Variants in ZEB2 observed in about 807,000 individuals in gnomAD.
ZEB2 encodes zinc finger E-box-binding homeobox 2.
A neutral mutation model predicts 99.9 loss-of-function variants in ZEB2; 6 were observed. The observed-to-expected ratio is 0.06, with a 90% CI of 0.03 to 0.12. The LOEUF (loss-of-function observed/expected upper bound fraction) is 0.12. Among genes scored for constraint, ZEB2 ranks in the 10% least tolerant of loss-of-function variants. The pLI, the probability that ZEB2 is intolerant of heterozygous loss-of-function variation, is 1.00. For missense variants in ZEB2, 969 were observed against 1,502.8 expected, an observed-to-expected ratio of 0.64 and a Z score of 5.87; for synonymous variants, 517 against 542.5, an observed-to-expected ratio of 0.95 and a Z score of 0.65.
At chr2:144,400,713 C>A (rs573770300) in intron 7 of ZEB2, among the ~76,000 whole-genome samples, 29 of 152,264 alleles carry the variant, frequency 1.9e-4, no homozygotes, top group Non-Finnish European at 2.6e-4. Context: ...AAATGCTTGG[C>A]AGAGCTATCA....
intron 4 of ZEB2, among the ~76,000 whole-genome samples, chr2:144,414,754 C>T (rs1286319548): frequency 1.3e-5 from 2 of 152,294 alleles, no homozygotes; most frequent in Middle Eastern, 3.4e-3. Flanking sequence ...AATGACTCAA[C>T]ATGAGAGAAA....
intron 2 of ZEB2, among the ~76,000 whole-genome samples, chr2:144,478,564 G>A (rs1466963360): frequency 2.6e-5 from 4 of 152,170 alleles, no homozygotes; most frequent in African/African-American, 9.7e-5. Flanking sequence ...TGCTTATCAG[G>A]TACAAGTCCA....
chr2:144,492,572 T>G (rs1704695661), intron 2 of ZEB2, among the ~76,000 whole-genome samples: 1 of 152,018 alleles, frequency 6.6e-6, no homozygotes, highest in African/African-American at 2.4e-5. Context: ...GAAACCAAAT[T>G]TGAGCCCAGA....
At chr2:144,493,215 T>C (rs905108607) in intron 2 of ZEB2, among the ~76,000 whole-genome samples, 1 of 152,156 alleles carries the variant, frequency 6.6e-6, no homozygotes, top group African/African-American at 2.4e-5. Context: ...TTTTCAAGAA[T>C]GTTTCAGCAA....
chr2:144,403,817 CA>C, intron 6 of ZEB2, 98 bp downstream of exon 6: 2 of 1,505,940 alleles, frequency 1.3e-6, no homozygotes, highest in Admixed American at 3.4e-5. Flanking sequence ...TCTGCATCTT[CA>C]AAATGCCATG....
rs1174176335 is a variant in ZEB2 at position 144,384,629 on chromosome 2, A to G, written c.*4822T>C. The G allele has an allele frequency of 6.6e-6, 1 of 151,454 alleles. No homozygotes were observed. Among genetic ancestry groups the G allele is most frequent in the Non-Finnish European group, 1.5e-5 (1 of 67,888 alleles). 9.4% of individuals were successfully genotyped at this position (151,454 alleles called of 1,614,324 possible). Reference sequence around the variant, plus strand: ...TCTTTTTTTTTTTTAACATGGATACAGGAAAAGAAAACTCTCCAATAAAAA... The same window carrying G: ...TCTTTTTTTTTTTTAACATGGATACGGGAAAAGAAAACTCTCCAATAAAAA... On this transcript the variant is annotated 3_prime_UTR_variant, in exon 10 of 10. Coordinates refer to ENST00000627532, the MANE Select transcript of ZEB2 (RefSeq NM_014795.4).
At chr2:144,471,495 C>T (rs567594178) in intron 2 of ZEB2, among the ~76,000 whole-genome samples, 28 of 151,870 alleles carry the variant, frequency 1.8e-4, no homozygotes, top group African/African-American at 6.8e-4. Flanking sequence ...TAGTTATTGT[C>T]ATGCACACTC....
intron 2 of ZEB2, chr2:144,516,441 C>CG (rs1011197487): frequency 2.7e-5 from 4 of 147,314 alleles, no homozygotes; most frequent in Non-Finnish European, 4.5e-5. Flanking sequence ...CTCTCACCCC[C>CG]CCCTTTAATA....
At chr2:144,470,789 T>C (rs1704344418) in intron 2 of ZEB2, among the ~76,000 whole-genome samples, 1 of 152,122 alleles carries the variant, frequency 6.6e-6, no homozygotes, top group Non-Finnish European at 1.5e-5. Flanking sequence ...TATTCCAGCA[T>C]CTAGTCAGCA....
At chr2:144,504,037 G>A (rs1473000696) in intron 2 of ZEB2, 7 of 133,988 alleles carry the variant, frequency 5.2e-5, no homozygotes, top group African/African-American at 1.9e-4. Flanking sequence ...AACAAACCTG[G>A]TAAAGAGAGG....
chr2:144,399,204 T>C lies in ZEB2; in HGVS notation c.1983A>G (p.Ala661=). 6.2e-7 allele frequency: 1 copy of C among 1,614,166 alleles called. No individual in the cohort carries two copies. The highest frequency in any genetic ancestry group is 2.2e-5 in the East Asian group (1 of 44,886). ...PYKDHMSVLK[A]YYAMNMEPNS... Reference sequence around the variant, plus strand: ...TGGGCTCCATGTTCATAGCATAGTATGCTTTGAGTACAGACATGTGGTCCT... The same window carrying C: ...TGGGCTCCATGTTCATAGCATAGTACGCTTTGAGTACAGACATGTGGTCCT... Residue 661 remains alanine (A), a synonymous_variant, in exon 8 of 10, where the codon GCA becomes GCG. Coordinates refer to ENST00000627532, the MANE Select transcript of ZEB2 (RefSeq NM_014795.4). The surrounding 1 kb of genome is among the most constrained non-coding windows in gnomAD (Gnocchi z 5.6).
rs773498763 is a variant in ZEB2 at position 144,512,292 on chromosome 2, A to AAAT, written c.73+4985_73+4986insATT. 15 of 1,287,116 alleles carry AAAT rather than the reference A, an allele frequency of 1.2e-5. No individual in the cohort carries two copies. The South Asian group carries it at 1.7e-4, about 15-fold the overall frequency. 79.7% of individuals were successfully genotyped at this position (1,287,116 alleles called of 1,614,324 possible). A position where few individuals can be genotyped will look rare whatever the true frequency, so the allele number is the denominator to read the frequency against. On this transcript the variant is annotated intron_variant, in intron 2 of 9. Coordinates refer to ENST00000627532, the MANE Select transcript of ZEB2 (RefSeq NM_014795.4). ...TTCACACAGAAGAAAATGCACCTTA[A>AAAT]AAGCCTTGGAAGAATGCAGATGACA... is the stretch of plus-strand genomic sequence containing the variant.
intron 2 of ZEB2, chr2:144,461,654 C>T (rs556334488): frequency 1.3e-5 from 2 of 152,334 alleles, no homozygotes; most frequent in South Asian, 2.1e-4. Flanking sequence ...TGGACGATCA[C>T]ACAATGGAAA....
At chr2:144,408,439 TA>T (rs1703415415) in intron 4 of ZEB2, among the ~76,000 whole-genome samples, 1 of 152,216 alleles carries the variant, frequency 6.6e-6, no homozygotes, top group Non-Finnish European at 1.5e-5. Context: ...AGGGCTCAGA[TA>T]AGTATTCAAA....
At position 144,399,075 on chromosome 2, in the gene ZEB2, C is replaced by T. The variant is rs200836944; in HGVS notation, c.2112G>A (p.Arg704=). 6.2e-7 allele frequency: 1 copy of T among 1,614,050 alleles called. No homozygotes were observed. Among genetic ancestry groups the T allele is most frequent in the Non-Finnish European group, 8.5e-7 (1 of 1,179,992 alleles). The change falls in exon 8 of 10, where the codon AGG becomes AGA. Residue 704 remains arginine (R), a synonymous_variant. Transcript: ENST00000627532. The surrounding 1 kb of genome is among the most constrained non-coding windows in gnomAD (Gnocchi z 5.6). ...TGGAGCTTCTTTCCAGGGATGGGGA[C>T]CTGGAATTTGAGTACTGGTAGACTT... ...QRKVYQYSNS[R]SPSLERSSKP...
rs794727922 is a variant in ZEB2, at chr2:144,398,546, T to G, written c.2641A>C (p.Asn881His). 2.5e-6 allele frequency: 4 copies of G among 1,614,192 alleles called. No homozygotes were observed. The highest frequency in any genetic ancestry group is 3.4e-6 in the Non-Finnish European group (4 of 1,180,026). Residue 881 changes from asparagine to histidine, a missense_variant, in exon 8 of 10, where the codon AAC (asparagine) becomes CAC (histidine). Physicochemically the swap from Asn to His is moderately conservative, Grantham distance 68. This residue lies in a region of ZEB2 where 346 missense variants were observed against 460.0 expected (regional missense o/e 0.75). Coordinates refer to ENST00000627532, the MANE Select transcript of ZEB2 (RefSeq NM_014795.4). ...AATGGGTTCATGCTGAACACTGGGT[T>G]AGTGCTTTTGTTGTCCAGATTATTT... ...NSNNLDNKST[N>H]PVFSMNPFSA...
chr2:144,461,315 T>C (rs1445051509), intron 2 of ZEB2: 1 of 152,194 alleles, frequency 6.6e-6, no homozygotes, highest in Non-Finnish European at 1.5e-5. Context: ...CCCCCACCTG[T>C]GCAATGGCCC....
chr2:144,490,513 C>T (rs1287737615), intron 2 of ZEB2, among the ~76,000 whole-genome samples: 1 of 152,100 alleles, frequency 6.6e-6, no homozygotes, highest in African/African-American at 2.4e-5. Context: ...AGTTCTATAA[C>T]GTTATTATAA....
chr2:144,434,174 G>C (rs1380302988), intron 2 of ZEB2, among the ~76,000 whole-genome samples: 2 of 152,234 alleles, frequency 1.3e-5, no homozygotes, highest in East Asian at 3.9e-4. Flanking sequence ...TGATGTAAAG[G>C]AAAATTACAT....
Sources: allele counts gnomAD v4.1 joint callset (sites outside exome capture counted in the v4.1 genomes callset), GRCh38; gene constraint gnomAD v4.1.1; regional missense constraint gnomAD v4.1.1; non-coding constraint Gnocchi (gnomAD v3.1); transcripts MANE v1.5; gene names NCBI Gene and HGNC (gene_info 2026-07-23, HGNC 2026-07-21).